NELL1: variants seen among roughly 807,000 people sequenced by gnomAD.
NELL1 encodes the protein protein kinase C-binding protein NELL1.
In NELL1, 76 loss-of-function variants were observed where a neutral mutation model predicts 107.4. The ratio of observed to expected loss-of-function variants is 0.71; its 90% CI spans 0.59 to 0.86. The LOEUF is 0.86. Ranked by LOEUF, NELL1 falls within the 40% of genes least tolerant of loss-of-function variation. The pLI, the probability that NELL1 is intolerant of heterozygous loss-of-function variation, is 0.00. For synonymous variants in NELL1, 353 were observed against 341.2 expected (o/e 1.03, Z -0.38); for missense variants, 1,024 against 1,005.5 (o/e 1.02, Z -0.25).
intron 13 of NELL1, among the ~76,000 whole-genome samples, chr11:21,173,324 A>G (rs56879881): frequency 0.026 from 3,963 of 151,904 alleles, 289 homozygotes; most frequent in African/African-American, 0.091. Context: ...TTCTGGCAAT[A>G]TCAATCTAAC....
At chr11:20,762,733 C>T (rs4244494) in intron 2 of NELL1, among the ~76,000 whole-genome samples, 119,989 of 152,048 alleles carry the variant, frequency 0.79, 48,189 homozygotes, top group East Asian at 0.95. Flanking sequence ...GCATTTCTCA[C>T]GCTCACATTA....
At chr11:21,152,699 A>G (rs935331133) in intron 13 of NELL1, among the ~76,000 whole-genome samples, 1 of 152,222 alleles carries the variant, frequency 6.6e-6, no homozygotes, top group African/African-American at 2.4e-5. Context: ...GAATTCCCTC[A>G]TATGAGTTTC....
At chr11:20,694,519 G>A (rs973503450) in intron 2 of NELL1, among the ~76,000 whole-genome samples, 2 of 152,048 alleles carry the variant, frequency 1.3e-5, no homozygotes, top group East Asian at 3.9e-4. Context: ...TTATTGAATA[G>A]GGGGTCCTTT....
chr11:20,805,080 C>G (rs895949357), intron 3 of NELL1, among the ~76,000 whole-genome samples: 1 of 152,030 alleles, frequency 6.6e-6, no homozygotes, highest in Admixed American at 6.6e-5. Context: ...TCTGATATAA[C>G]TATAGCTGCT....
At chr11:21,233,245 A>G (rs949608656) in intron 14 of NELL1, among the ~76,000 whole-genome samples, 2 of 152,314 alleles carry the variant, frequency 1.3e-5, no homozygotes, top group South Asian at 2.1e-4. Context: ...GTGTGTATTC[A>G]TATATATGTT....
At chr11:20,892,388 T>C (rs1023298274) in intron 5 of NELL1, among the ~76,000 whole-genome samples, 9 of 152,086 alleles carry the variant, frequency 5.9e-5, no homozygotes, top group Admixed American at 5.2e-4. Context: ...TGAGATACCA[T>C]CTCATACCAG....
intron 14 of NELL1, among the ~76,000 whole-genome samples, chr11:21,250,046 A>G (rs886225513): frequency 3.9e-5 from 6 of 152,194 alleles, no homozygotes; most frequent in African/African-American, 1.2e-4. Flanking sequence ...TGGAGCTTTC[A>G]TGTTTACTGT....
At chr11:21,525,774 T>C (rs1257702885) in intron 15 of NELL1, among the ~76,000 whole-genome samples, 1 of 152,026 alleles carries the variant, frequency 6.6e-6, no homozygotes, top group Non-Finnish European at 1.5e-5. Flanking sequence ...GAACTCCCAT[T>C]TATAAAAACC....
chr11:20,994,840 C>A (rs1852054246), intron 12 of NELL1, among the ~76,000 whole-genome samples: 1 of 152,222 alleles, frequency 6.6e-6, no homozygotes, highest in Non-Finnish European at 1.5e-5. Flanking sequence ...AATAAGGTAA[C>A]CATATGCTTT....
chr11:21,106,153 A>G (rs191137269), intron 12 of NELL1, among the ~76,000 whole-genome samples: 2 of 151,980 alleles, frequency 1.3e-5, no homozygotes, highest in African/African-American at 4.8e-5. Context: ...TAAGATTTTC[A>G]CCTTCTCTAA....
At chr11:21,545,244 T>A (rs113348875) in intron 16 of NELL1, among the ~76,000 whole-genome samples, 1 of 120,818 alleles carries the variant, frequency 8.3e-6, no homozygotes, top group African/African-American at 2.9e-5. Flanking sequence ...TTGCTCTCCT[T>A]TCCACTCTGA....
chr11:20,724,075 T>A (rs541892524), intron 2 of NELL1, among the ~76,000 whole-genome samples: 88 of 73,150 alleles, frequency 1.2e-3, no homozygotes, highest in African/African-American at 2.7e-3. Flanking sequence ...TGCCATGTCC[T>A]GAGGCTGCAC....
At chr11:21,244,556 A>G (rs1858442812) in intron 14 of NELL1, among the ~76,000 whole-genome samples, 1 of 152,188 alleles carries the variant, frequency 6.6e-6, no homozygotes, top group Non-Finnish European at 1.5e-5. Flanking sequence ...ACACATCCCC[A>G]AACATTATAA....
chr11:21,142,931 TA>T (rs1358822864), intron 13 of NELL1, among the ~76,000 whole-genome samples: 1 of 152,224 alleles, frequency 6.6e-6, no homozygotes, highest in African/African-American at 2.4e-5. Flanking sequence ...AGACTATTTC[TA>T]GGCAGGTGGC....
At chr11:21,511,156 GT>G (rs1317281167) in intron 15 of NELL1, among the ~76,000 whole-genome samples, 1 of 151,860 alleles carries the variant, frequency 6.6e-6, no homozygotes, top group Non-Finnish European at 1.5e-5. Context: ...TGTTATTGTT[GT>G]TAATCACTAT....
intron 10 of NELL1, among the ~76,000 whole-genome samples, chr11:20,939,533 A>G (rs941924124): frequency 6.6e-6 from 1 of 152,172 alleles, no homozygotes; most frequent in African/African-American, 2.4e-5. Context: ...TGGAGAAAGG[A>G]CATATGATTA....
intron 15 of NELL1, among the ~76,000 whole-genome samples, chr11:21,489,975 A>T (rs1854758147): frequency 6.6e-6 from 1 of 152,126 alleles, no homozygotes; most frequent in African/African-American, 2.4e-5. Context: ...AAAGAAAAAA[A>T]ATATCCACAT....
chr11:21,494,233 C>T (rs556052245), intron 15 of NELL1, among the ~76,000 whole-genome samples: 1 of 152,054 alleles, frequency 6.6e-6, no homozygotes, highest in Non-Finnish European at 1.5e-5. Context: ...TCGTAAACAT[C>T]TATTGTTTTA....
At chr11:21,382,455 A>G (rs976962635) in intron 15 of NELL1, among the ~76,000 whole-genome samples, 1 of 151,968 alleles carries the variant, frequency 6.6e-6, no homozygotes, top group African/African-American at 2.4e-5. Context: ...GAATAAATGA[A>G]TAAGTATAGA....
Sources: gnomAD v4.1 joint callset for allele counts (sites outside exome capture counted in the v4.1 genomes callset) on GRCh38, gnomAD v4.1.1 for gene constraint, MANE v1.5 for transcripts, NCBI Gene and HGNC (gene_info 2026-07-23, HGNC 2026-07-21) for gene names.